Variants in NAALADL2 observed in about 807,000 individuals in gnomAD.
NAALADL2 encodes N-acetylated alpha-linked acidic dipeptidase like 2, also known as inactive N-acetylated-alpha-linked acidic dipeptidase-like protein 2.
NAALADL2 carries 76 observed loss-of-function variants against 87.2 expected under a neutral mutation model. That is an observed-to-expected ratio of 0.87 (90% CI 0.72 to 1.05). NAALADL2 has a LOEUF of 1.05. Ranked by LOEUF, NAALADL2 falls within the 50% of genes least tolerant of loss-of-function variation. NAALADL2 has a pLI of 0.00. For synonymous variants in NAALADL2, 354 were observed against 331.0 expected (o/e 1.07, Z -0.75); for missense variants, 1,089 against 945.8 (o/e 1.15, Z -1.99).
chr3:174,933,060 T>C (rs1402360777), intron 1 of NAALADL2, among the ~76,000 whole-genome samples: 2 of 152,186 alleles, frequency 1.3e-5, no homozygotes, highest in African/African-American at 2.4e-5. Context: ...GAGGTTGCAG[T>C]GAACCGAGAT....
rs560213126 is a variant in NAALADL2 at position 175,669,845 on chromosome 3, T to A, written c.1896+42459T>A. 1.1e-3 allele frequency among the ~76,000 whole-genome samples: 173 copies of A among 152,142 alleles called. 1 individual carries two copies. The highest frequency in any genetic ancestry group is 4.0e-3 in the African/African-American group (168 of 41,564). The stretch of plus-strand genomic sequence containing the variant: ...ATAATTTCATTATCAGAAATAGTAA[T>A]AGTGAAATAGTATTTCATAAGTGAC... On this transcript the variant is annotated intron_variant, in intron 11 of 13. Coordinates refer to ENST00000454872, the MANE Select transcript of NAALADL2 (RefSeq NM_207015.3).
At chr3:175,079,682 A>C (rs1251594302) in intron 1 of NAALADL2, among the ~76,000 whole-genome samples, 1 of 152,218 alleles carries the variant, frequency 6.6e-6, no homozygotes, top group Non-Finnish European at 1.5e-5. Context: ...GACTAGGGAA[A>C]GTGACTATTT....
intron 11 of NAALADL2, among the ~76,000 whole-genome samples, chr3:175,730,408 A>ATC (rs1743535694): frequency 1.3e-5 from 1 of 74,198 alleles, no homozygotes; most frequent in South Asian, 3.6e-4. Flanking sequence ...ATATATATAT[A>ATC]TATATATATA....
intron 1 of NAALADL2, among the ~76,000 whole-genome samples, chr3:174,523,066 C>T (rs948958178): frequency 6.6e-6 from 1 of 152,090 alleles, no homozygotes; most frequent in African/African-American, 2.4e-5. Context: ...TGGGCCCTCA[C>T]CAGATACCAG....
At chr3:174,948,963 G>T (rs1248466291) in intron 1 of NAALADL2, among the ~76,000 whole-genome samples, 2 of 152,118 alleles carry the variant, frequency 1.3e-5, no homozygotes, top group Admixed American at 1.3e-4. Context: ...TTGATGTCTG[G>T]TGAAGGCCCA....
intron 3 of NAALADL2, among the ~76,000 whole-genome samples, chr3:174,750,044 T>A (rs892199693): frequency 2.6e-5 from 4 of 152,232 alleles, no homozygotes; most frequent in Non-Finnish European, 5.9e-5. Context: ...GAAAAAAGCC[T>A]ATTTTCTTTC....
intron 5 of NAALADL2, among the ~76,000 whole-genome samples, chr3:175,418,087 A>C (rs1034329906): frequency 6.6e-6 from 1 of 152,132 alleles, no homozygotes; most frequent in Admixed American, 6.6e-5. Flanking sequence ...GAAATCAAAA[A>C]AGGAGAGCTG....
chr3:174,473,621 A>G lies in NAALADL2; in HGVS notation c.-184+32589A>G, dbSNP rs188844430. 1.8e-3 allele frequency among the ~76,000 whole-genome samples: 279 copies of G among 152,298 alleles called. 1 individual carries two copies. The highest frequency in any genetic ancestry group is 6.4e-3 in the African/African-American group (267 of 41,570). ...GTCTTATATATTAAATTCATAATCAAGAGATTGCCTTACCTATTGAGAATA... is the reference window on the plus strand; with the variant it reads ...GTCTTATATATTAAATTCATAATCAGGAGATTGCCTTACCTATTGAGAATA... On this transcript the variant is annotated intron_variant, in intron 1 of 3. Transcript: ENST00000434257.
At chr3:175,378,336 G>C (rs1360892837) in intron 5 of NAALADL2, among the ~76,000 whole-genome samples, 1 of 152,200 alleles carries the variant, frequency 6.6e-6, no homozygotes, top group Non-Finnish European at 1.5e-5. Flanking sequence ...CCTCCTGCAG[G>C]GAGTTGAGAG....
chr3:175,770,327 A>T (rs752311195), intron 13 of NAALADL2, among the ~76,000 whole-genome samples: 60 of 152,192 alleles, frequency 3.9e-4, no homozygotes, highest in Non-Finnish European at 4.9e-4. Context: ...TGAGCAGTGG[A>T]TTTTAACAGC....
At position 175,346,042 on chromosome 3, in the gene NAALADL2, C is replaced by G. The variant is rs549526080; in HGVS notation, c.1090+21717C>G. On this transcript the variant is annotated intron_variant, in intron 5 of 13. Transcript: ENST00000454872. ...AGGAAATTCATGAGAAAGTGTATAT[C>G]AGCTGCAATAATGTTAAAAATTCAA... Among the ~76,000 whole-genome samples the G allele has an allele frequency of 2.6e-5, 4 of 152,236 alleles. No homozygotes were observed. The East Asian group carries it at 7.7e-4, about 29-fold the overall frequency.
chr3:175,024,188 T>G (rs567577866), intron 1 of NAALADL2, among the ~76,000 whole-genome samples: 253 of 151,948 alleles, frequency 1.7e-3, no homozygotes, highest in African/African-American at 5.9e-3. Flanking sequence ...ACACTTTATA[T>G]ATTATATTTA....
intron 13 of NAALADL2, among the ~76,000 whole-genome samples, chr3:175,760,432 C>T (rs1489053952): frequency 6.6e-6 from 1 of 152,100 alleles, no homozygotes; most frequent in African/African-American, 2.4e-5. Context: ...ACTGCAATGC[C>T]ATAAATGAAA....
chr3:175,470,809 T>C (rs1173959889), intron 8 of NAALADL2, among the ~76,000 whole-genome samples: 1 of 152,188 alleles, frequency 6.6e-6, no homozygotes, highest in Non-Finnish European at 1.5e-5. Context: ...GTGTAGCTTG[T>C]GTGCATGAAA....
At chr3:174,914,693 A>G (rs7630119) in intron 1 of NAALADL2, among the ~76,000 whole-genome samples, 56,917 of 152,002 alleles carry the variant, frequency 0.37, 11,533 homozygotes, top group African/African-American at 0.53. Flanking sequence ...TCAAATATAG[A>G]TATAATTCAT....
In NAALADL2 at chr3:175,350,451, G is replaced by A. The variant is rs375536102; in HGVS notation, c.1090+26126G>A. On this transcript the variant is annotated intron_variant, in intron 5 of 13. Coordinates refer to ENST00000454872, the MANE Select transcript of NAALADL2 (RefSeq NM_207015.3). Reference sequence around the variant, plus strand: ...TGGATGGTGTGTTCAGAATGCACATGGGCCTCTGAAACTCTGATGGGCAAA... The same window carrying A: ...TGGATGGTGTGTTCAGAATGCACATAGGCCTCTGAAACTCTGATGGGCAAA... Among the ~76,000 whole-genome samples the A allele has an allele frequency of 2.1e-4, 32 of 152,214 alleles. 1 individual carries two copies. The highest frequency in any genetic ancestry group is 7.0e-4 in the African/African-American group (29 of 41,522).
chr3:175,421,092 T>A (rs1366817023), intron 5 of NAALADL2, among the ~76,000 whole-genome samples: 1 of 152,032 alleles, frequency 6.6e-6, no homozygotes, highest in Admixed American at 6.6e-5. Context: ...CTTTGCATAA[T>A]AAAGAAATTA....
At chr3:175,481,125 G>T (rs931380423) in intron 9 of NAALADL2, among the ~76,000 whole-genome samples, 1 of 151,598 alleles carries the variant, frequency 6.6e-6, no homozygotes. Flanking sequence ...TATTATCATT[G>T]GTACATAAGT....
chr3:174,758,986 T>C (rs1203463599), intron 3 of NAALADL2, among the ~76,000 whole-genome samples: 1 of 152,240 alleles, frequency 6.6e-6, no homozygotes, highest in Non-Finnish European at 1.5e-5. Flanking sequence ...AAAATGTGTA[T>C]GTAAATAATT....
Sources: allele counts gnomAD v4.1 joint callset (sites outside exome capture counted in the v4.1 genomes callset), GRCh38; gene constraint gnomAD v4.1.1; transcripts MANE v1.5; gene names NCBI Gene and HGNC (gene_info 2026-07-23, HGNC 2026-07-21).